Variants in FASN observed in about 807,000 individuals in gnomAD.
FASN encodes the protein fatty acid synthase.
Under a neutral mutation model 250.0 loss-of-function variants are expected in FASN, and 50 were observed. That is an observed-to-expected ratio of 0.20 (90% CI 0.16 to 0.25). The LOEUF (loss-of-function observed/expected upper bound fraction) is 0.25, where lower values mean the gene tolerates loss of function less well. Ranked by LOEUF, FASN falls within the 10% of genes least tolerant of loss-of-function variation. The pLI, the probability that FASN is intolerant of heterozygous loss-of-function variation, is 1.00. For synonymous variants in FASN, 1,909 were observed against 1,584.0 expected (o/e 1.21, Z -4.87); for missense variants, 3,031 against 3,498.5 (o/e 0.87, Z 3.37).
At position 82,084,349 on chromosome 17, in the gene FASN, C is replaced by A; in HGVS notation, c.4804G>T (p.Glu1602Ter). Residue 1602 changes from glutamate to a stop codon, truncating the protein, a stop_gained, in exon 28 of 43, where the codon GAG becomes TAG. Transcript: ENST00000306749. LOFTEE classifies it high-confidence loss of function. Reference sequence around the variant, plus strand: ...CCGCTGGCGTCTCGGCCCGAGAACTCCATACCTAGCAGGCTGTCCTGGGAG... The same window carrying A: ...CCGCTGGCGTCTCGGCCCGAGAACTACATACCTAGCAGGCTGTCCTGGGAG... ...WTSQDSLLGM[E>*]FSGRDASGKR... 1 of 1,608,768 alleles carries A rather than the reference C, an allele frequency of 6.2e-7. No individual in the cohort carries two copies. Among genetic ancestry groups the A allele is most frequent in the East Asian group, 2.2e-5 (1 of 44,696 alleles).
At chr17:82,091,751 G>T in intron 8 of FASN, 67 bp from the exon 9 acceptor site, 1 of 1,406,898 alleles carries the variant, frequency 7.1e-7, no homozygotes, top group Admixed American at 2.2e-5. Context: ...CTGGGGGCAG[G>T]CACCTCCCCG....
intron 38 of FASN, 95 bp downstream of exon 38, chr17:82,081,069 A>G: frequency 6.8e-7 from 1 of 1,466,408 alleles, no homozygotes; most frequent in Non-Finnish European, 9.3e-7. Flanking sequence ...CCCGTGACGA[A>G]GGGCGGTATG....
Position 82,081,681 on chromosome 17 carries a change from A to C in FASN, c.6326T>G (p.Phe2109Cys). Residue 2109 changes from phenylalanine to cysteine, a missense_variant, in exon 37 of 43, where the codon TTT becomes TGT. Phe to Cys is a radical substitution (Grantham distance 205). Transcript: ENST00000306749. Reference sequence around the variant, plus strand: ...GGCCGCAGCCTTCTCAGCCAGCACAAAGCTGCTCAGGACCATGTGGGGCTG... The same window carrying C: ...GGCCGCAGCCTTCTCAGCCAGCACACAGCTGCTCAGGACCATGTGGGGCTG... ...LNQPHMVLSS[F>C]VLAEKAAAYR... 1.2e-6 allele frequency: 2 copies of C among 1,612,698 alleles called. No individual in the cohort carries two copies. Among genetic ancestry groups the C allele is most frequent in the Non-Finnish European group, 1.7e-6 (2 of 1,179,982 alleles).
At position 82,079,492 on chromosome 17, in the gene FASN, C is replaced by T; in HGVS notation, c.7263G>A (p.Arg2421=). ...CGGCACGCAGCTTGTAGTAGAAGGA[C>T]CGGGCCGCAAAGCTCAGCTCCTGGC... ...LDRQELSFAA[R]SFYYKLRAAE... Residue 2421 remains arginine (R), a synonymous_variant, in exon 42 of 43, where the codon CGG becomes CGA. Coordinates refer to ENST00000306749, the MANE Select transcript of FASN (RefSeq NM_004104.5). The T allele has an allele frequency of 1.9e-6, 3 of 1,612,724 alleles. No individual in the cohort carries two copies. The highest frequency in any genetic ancestry group is 2.5e-6 in the Non-Finnish European group (3 of 1,179,986).
intron 31 of FASN, 34 bp downstream of exon 31, chr17:82,083,483 A>T (rs1282719750): frequency 1.2e-6 from 2 of 1,612,438 alleles, no homozygotes; most frequent in Non-Finnish European, 1.7e-6. Context: ...ACACCCATCC[A>T]TGCCCACCCC....
At chr17:82,081,572 C>G (rs1435598688) in intron 37 of FASN, 29 bp downstream of exon 37, 43 of 1,610,372 alleles carry the variant, frequency 2.7e-5, no homozygotes, top group Non-Finnish European at 3.5e-5. Flanking sequence ...GGGGAAACAC[C>G]TGGCGCGGCT....
chr17:82,085,428 G>T (rs1317618882), intron 23 of FASN, 26 bp from the exon 24 acceptor site: 3 of 1,601,972 alleles, frequency 1.9e-6, no homozygotes, highest in African/African-American at 1.3e-5. Context: ...TCAGCACCCT[G>T]CCCGCCTGGC....
In FASN at chr17:82,092,826, G is replaced by C. The variant is rs377742308; in HGVS notation, c.779-14C>G. The C allele has an allele frequency of 1.3e-6, 2 of 1,587,482 alleles. No homozygotes were observed. Among genetic ancestry groups the C allele is most frequent in the African/African-American group, 1.3e-5 (1 of 74,490 alleles). On this transcript the variant is annotated splice_polypyrimidine_tract_variant and intron_variant, in intron 6 of 42. Transcript: ENST00000306749. ...GGAAGGTCACGCCTGCGGAGGGCTC[G>C]GCTCAGTGCTGCAGCCCCAGCCCCG...
chr17:82,093,558 G>C (rs2034251545), intron 4 of FASN, 40 bp downstream of exon 4: 2 of 1,612,166 alleles, frequency 1.2e-6, no homozygotes, highest in Non-Finnish European at 1.7e-6. Context: ...GTGGGGACCT[G>C]AAGGCCACCC....
intron 23 of FASN, 32 bp downstream of exon 23, chr17:82,085,450 C>A: frequency 6.3e-7 from 1 of 1,594,062 alleles, no homozygotes; most frequent in Non-Finnish European, 8.5e-7. Context: ...CTCACCCGGC[C>A]CCCACCCTGT....
chr17:82,081,386 G>A (rs1377495927), intron 37 of FASN, 34 bp from the exon 38 acceptor site: 4 of 1,559,602 alleles, frequency 2.6e-6, no homozygotes, highest in East Asian at 2.4e-5. Flanking sequence ...CAACTCCAGA[G>A]GGGGCATGGG....
chr17:82,081,534 G>T (rs2033986710), intron 37 of FASN, 67 bp downstream of exon 37: 6 of 1,603,286 alleles, frequency 3.7e-6, no homozygotes, highest in Non-Finnish European at 5.1e-6. Flanking sequence ...GGGCACGACT[G>T]CTATGTCCCA....
In FASN at chr17:82,092,695, A is replaced by G; in HGVS notation, c.894+2T>C. On this transcript the variant is annotated splice_donor_variant, in intron 7 of 42. Transcript: ENST00000306749. LOFTEE classifies it high-confidence loss of function. ...GAGTGGGGCGGGGGGGGGGGGCATCACCTTGGTGCCTGTGCCGTGGGCTTC... is the reference window on the plus strand; with the variant it reads ...GAGTGGGGCGGGGGGGGGGGGCATCGCCTTGGTGCCTGTGCCGTGGGCTTC... The G allele has an allele frequency of 6.4e-7, 1 of 1,551,502 alleles. No individual in the cohort carries two copies. The highest frequency in any genetic ancestry group is 1.1e-5 in the South Asian group (1 of 87,260).
rs760726858 is a variant in FASN at position 82,083,747 on chromosome 17, G to GGTGGGGGCT, written c.5218+16_5218+24dup. ...TGGGCCGGAGGCTAGGCAGGAGGCA[G>GGTGGGGGCT]GTGGGGGCTGTGGGGGCCACTCACC... is the stretch of plus-strand genomic sequence containing the variant. On this transcript the variant is annotated intron_variant, in intron 30 of 42. Coordinates refer to ENST00000306749, the MANE Select transcript of FASN (RefSeq NM_004104.5). 1.2e-4 allele frequency: 197 copies of GGTGGGGGCT among 1,611,200 alleles called. 1 individual carries two copies. The highest frequency in any genetic ancestry group is 1.5e-4 in the Non-Finnish European group (176 of 1,179,662).
chr17:82,087,603 C>G, intron 19 of FASN, 82 bp downstream of exon 19: 1 of 1,601,106 alleles, frequency 6.2e-7, no homozygotes, highest in Non-Finnish European at 8.5e-7. Context: ...AGCTGCATGC[C>G]TAGCTGTGGG....
intron 3 of FASN, among the ~76,000 whole-genome samples, chr17:82,094,687 ACTGAGG>A (rs1462685041): frequency 6.6e-6 from 1 of 151,520 alleles, no homozygotes; most frequent in East Asian, 1.9e-4. Flanking sequence ...CACTCAGGAG[ACTGAGG>A]CAGGAGAATG....
In FASN at chr17:82,083,490, C is replaced by A. The variant is rs779292757; in HGVS notation, c.5341+27G>T. The A allele has an allele frequency of 3.1e-6, 5 of 1,612,734 alleles. No homozygotes were observed. The South Asian group carries it at 5.5e-5, about 18-fold the overall frequency. On this transcript the variant is annotated intron_variant, in intron 31 of 42. Transcript: ENST00000306749. Reference sequence around the variant, plus strand: ...GTCCACCCACACCCATCCATGCCCACCCCCGCCCAGGCGCTGCCGGCCTCA... The same window carrying A: ...GTCCACCCACACCCATCCATGCCCAACCCCGCCCAGGCGCTGCCGGCCTCA...
chr17:82,083,477 C>T (rs1225827347), intron 31 of FASN, 40 bp downstream of exon 31: 1 of 1,612,600 alleles, frequency 6.2e-7, no homozygotes, highest in Non-Finnish European at 8.5e-7. Context: ...CCACCCACAC[C>T]CATCCATGCC....
rs1271959532 is a variant in FASN at position 82,087,160 on chromosome 17, T to G, written c.3317A>C (p.Gln1106Pro). The change falls in exon 21 of 43, where the codon CAG becomes CCG. Residue 1106 changes from glutamine to proline, a missense_variant. Transcript: ENST00000306749. ...CAGGATGGGCACCTGCTGCTCCTGC[T>G]GCCGCCGCGGGGCCGACTCAGTGTG... ...GLHTESAPRR[Q>P]QEQQVPILEK... 1.3e-5 allele frequency: 21 copies of G among 1,610,362 alleles called. No homozygotes were observed. Among genetic ancestry groups the G allele is most frequent in the Non-Finnish European group, 1.5e-5 (18 of 1,179,224 alleles).
Sources: gnomAD v4.1 joint callset for allele counts (sites outside exome capture counted in the v4.1 genomes callset) on GRCh38, gnomAD v4.1.1 for gene constraint, MANE v1.5 for transcripts, NCBI Gene and HGNC (gene_info 2026-07-23, HGNC 2026-07-21) for gene names.